Variants in SMYD3 observed in about 807,000 individuals in gnomAD.
SMYD3 encodes histone-lysine N-methyltransferase SMYD3.
In SMYD3, 36 loss-of-function variants were observed where a neutral mutation model predicts 57.7. The observed-to-expected ratio is 0.62, with a 90% CI of 0.48 to 0.82. SMYD3 has a LOEUF of 0.82. SMYD3 is among the 40% of genes least tolerant of loss of function. The pLI is 0.00. For missense variants in SMYD3, 515 were observed against 538.8 expected, an observed-to-expected ratio of 0.96 and a Z score of 0.44; for synonymous variants, 211 against 195.0, an observed-to-expected ratio of 1.08 and a Z score of -0.68.
intron 5 of SMYD3, among the ~76,000 whole-genome samples, chr1:246,039,620 G>A (rs953543901): frequency 2.0e-5 from 3 of 152,108 alleles, no homozygotes; most frequent in African/African-American, 7.2e-5. Context: ...TCTACTAAGC[G>A]CCAATGGGTA....
intron 4 of SMYD3, among the ~76,000 whole-genome samples, chr1:246,329,663 T>A (rs1043221177): frequency 6.6e-5 from 10 of 152,236 alleles, no homozygotes; most frequent in Non-Finnish European, 1.0e-4. Flanking sequence ...CTGATGGTAG[T>A]TTCTTTTGCT....
chr1:245,804,271 G>A (rs2048028142), intron 10 of SMYD3, among the ~76,000 whole-genome samples: 1 of 152,128 alleles, frequency 6.6e-6, no homozygotes, highest in Non-Finnish European at 1.5e-5. Flanking sequence ...AGCACTCACT[G>A]CCGTGGTCTG....
chr1:246,200,095 C>G lies in SMYD3; in HGVS notation c.531+127106G>C, dbSNP rs78260110. ...AGAGTAGAGGAGAACAGCATAGACGCTGAGGTAGAATGTACACAGACGTCC... is the reference window on the plus strand; with the variant it reads ...AGAGTAGAGGAGAACAGCATAGACGGTGAGGTAGAATGTACACAGACGTCC... On this transcript the variant is annotated intron_variant, in intron 5 of 11. Coordinates refer to ENST00000490107, the MANE Select transcript of SMYD3 (RefSeq NM_001167740.2). Among the ~76,000 whole-genome samples, 6 of 3,312 alleles carry G rather than the reference C, an allele frequency of 1.8e-3. No homozygotes were observed. In the South Asian group the frequency reaches 0.056, roughly 31 times the overall value. The allele number at this position is 3,312 out of a possible 152,430, so 2.2% of individuals were successfully genotyped here.
chr1:246,391,624 A>G (rs1485880136), intron 1 of SMYD3, among the ~76,000 whole-genome samples: 2 of 152,190 alleles, frequency 1.3e-5, no homozygotes, highest in Admixed American at 6.5e-5. Context: ...TGCAGTGACT[A>G]TATTAATATC....
intron 2 of SMYD3, among the ~76,000 whole-genome samples, chr1:246,347,578 C>G (rs2065743680): frequency 6.6e-6 from 1 of 152,108 alleles, no homozygotes; most frequent in Non-Finnish European, 1.5e-5. Flanking sequence ...CTCCAAAACT[C>G]ATGTTGAACT....
intron 1 of SMYD3, among the ~76,000 whole-genome samples, chr1:246,367,970 C>T (rs1032853979): frequency 3.3e-5 from 5 of 152,124 alleles, no homozygotes; most frequent in African/African-American, 1.2e-4. Context: ...AACGGAGTGT[C>T]ATATCAAAGA....
At chr1:245,883,196 G>A (rs1030575370) in intron 8 of SMYD3, among the ~76,000 whole-genome samples, 4 of 152,112 alleles carry the variant, frequency 2.6e-5, no homozygotes, top group African/African-American at 9.7e-5. Flanking sequence ...GTGTACCCTT[G>A]TAACTAGATA....
At chr1:246,279,519 C>G (rs1213615599) in intron 5 of SMYD3, among the ~76,000 whole-genome samples, 1 of 151,662 alleles carries the variant, frequency 6.6e-6, no homozygotes, top group South Asian at 2.1e-4. Flanking sequence ...GACTCCTTCT[C>G]AAAACAAAAA....
chr1:246,363,307 GC>G (rs1165971351), intron 1 of SMYD3, among the ~76,000 whole-genome samples: 3 of 149,004 alleles, frequency 2.0e-5, no homozygotes, highest in Non-Finnish European at 3.0e-5. Context: ...GGGGGGGTCA[GC>G]CCCCCGCCCG....
intron 1 of SMYD3, chr1:246,483,561 A>T (rs1294984670): frequency 6.6e-6 from 1 of 152,234 alleles, no homozygotes; most frequent in African/African-American, 2.4e-5. Context: ...AAGAATATTC[A>T]CTAAGCTATC....
chr1:246,148,328 GCCTGC>G (rs1399825767), intron 5 of SMYD3, among the ~76,000 whole-genome samples: 1 of 152,068 alleles, frequency 6.6e-6, no homozygotes, highest in Non-Finnish European at 1.5e-5. Flanking sequence ...TGTCTGAACG[GCCTGC>G]TTGTGAAGAG....
intron 5 of SMYD3, among the ~76,000 whole-genome samples, chr1:246,121,527 G>A (rs2061426092): frequency 6.7e-6 from 1 of 149,052 alleles, no homozygotes; most frequent in Non-Finnish European, 1.5e-5. Context: ...CTAAATGTCT[G>A]TTAAAATGAA....
At chr1:246,485,614 C>CG (rs908057669) in intron 1 of SMYD3, among the ~76,000 whole-genome samples, 1 of 151,430 alleles carries the variant, frequency 6.6e-6, no homozygotes, top group Non-Finnish European at 1.5e-5. Context: ...AGACCCCCCC[C>CG]CACATCTCTA....
At chr1:245,829,531 T>C (rs1394380864) in intron 10 of SMYD3, among the ~76,000 whole-genome samples, 2 of 152,228 alleles carry the variant, frequency 1.3e-5, no homozygotes, top group African/African-American at 4.8e-5. Flanking sequence ...TACTCTCATA[T>C]ATTACTGGTG....
Position 246,355,990 on chromosome 1 carries a change from T to A in SMYD3, c.165-896A>T, listed in dbSNP as rs538313728. 3.3e-5 allele frequency among the ~76,000 whole-genome samples: 5 copies of A among 152,282 alleles called. No individual in the cohort carries two copies. The South Asian group carries it at 1.0e-3, about 32-fold the overall frequency. Reference sequence around the variant, plus strand: ...TTCCTCCCTGTAGGACCACAGCTGATGTGTTCCTGAAAGCACCAACTCCTG... The same window carrying A: ...TTCCTCCCTGTAGGACCACAGCTGAAGTGTTCCTGAAAGCACCAACTCCTG... On this transcript the variant is annotated intron_variant, in intron 1 of 11. Coordinates refer to ENST00000490107, the MANE Select transcript of SMYD3 (RefSeq NM_001167740.2). This position sits in a 1 kb window ranked among gnomAD's most constrained non-coding sequence, Gnocchi z 5.0.
intron 10 of SMYD3, among the ~76,000 whole-genome samples, chr1:245,849,661 A>ACTTTG (rs1553340622): frequency 7.9e-5 from 12 of 151,224 alleles, no homozygotes; most frequent in Admixed American, 7.9e-4. Flanking sequence ...TATATTATTT[A>ACTTTG]TTTTATTTTG....
intron 8 of SMYD3, among the ~76,000 whole-genome samples, chr1:245,904,941 G>GCC (rs2054460019): frequency 6.6e-6 from 1 of 151,614 alleles, no homozygotes; most frequent in African/African-American, 2.4e-5. Flanking sequence ...GAGTCGTGAG[G>GCC]CCCCCATTCC....
chr1:246,102,433 C>T (rs2061031551), intron 5 of SMYD3, among the ~76,000 whole-genome samples: 1 of 152,120 alleles, frequency 6.6e-6, no homozygotes, highest in African/African-American at 2.4e-5. Context: ...GCTTACTTCT[C>T]CATTAAAGGG....
At chr1:245,825,414 C>T (rs1381517820) in intron 10 of SMYD3, among the ~76,000 whole-genome samples, 2 of 152,158 alleles carry the variant, frequency 1.3e-5, no homozygotes, top group South Asian at 2.1e-4. Flanking sequence ...GATTGGCAAG[C>T]GGCCCCTCCA....
Sources: gnomAD v4.1 joint callset for allele counts (sites outside exome capture counted in the v4.1 genomes callset) on GRCh38, gnomAD v4.1.1 for gene constraint, Gnocchi (gnomAD v3.1) non-coding constraint, MANE v1.5 for transcripts, NCBI Gene and HGNC (gene_info 2026-07-23, HGNC 2026-07-21) for gene names.